Variants in ROBO2 observed in about 807,000 individuals in gnomAD.
The protein encoded by ROBO2 is roundabout homolog 2.
Under a neutral mutation model 160.8 loss-of-function variants are expected in ROBO2, and 53 were observed. The ratio of observed to expected loss-of-function variants is 0.33; its 90% confidence interval spans 0.26 to 0.41. The LOEUF (loss-of-function observed/expected upper bound fraction) is 0.41, where lower values mean the gene tolerates loss of function less well. Ranked by LOEUF, ROBO2 falls within the 10% of genes least tolerant of loss-of-function variation. The pLI is 1.00. For missense variants in ROBO2, 1,577 were observed against 1,722.4 expected, an observed-to-expected ratio of 0.92 and a Z score of 1.49; for synonymous variants, 664 against 611.7, an observed-to-expected ratio of 1.09 and a Z score of -1.26.
intron 2 of ROBO2, among the ~76,000 whole-genome samples, chr3:76,514,723 A>G (rs1023148234): frequency 6.6e-6 from 1 of 152,088 alleles, no homozygotes; most frequent in East Asian, 1.9e-4. Context: ...CCTTCAACTC[A>G]CTTTCTCTAG....
chr3:76,727,265 T>A (rs1367442445), intron 2 of ROBO2, among the ~76,000 whole-genome samples: 8 of 152,180 alleles, frequency 5.3e-5, no homozygotes, highest in African/African-American at 1.9e-4. Context: ...AGGACACCAG[T>A]TAGTTCTAAA....
rs902823624 is a variant in ROBO2 at position 76,506,684 on chromosome 3, G to T, written c.109+569082G>T. Among the ~76,000 whole-genome samples the T allele has an allele frequency of 7.9e-5, 12 of 152,214 alleles. No homozygotes were observed. The South Asian group carries it at 8.3e-4, about 11-fold the overall frequency. On this transcript the variant is annotated intron_variant, in intron 2 of 26. Coordinates refer to the ROBO2 transcript ENST00000487694. The stretch of plus-strand genomic sequence containing the variant: ...TCCTCATTTTATCAGACAAGATGGT[G>T]CTTATGATATTCTTTTACAAATCAC...
intron 2 of ROBO2, among the ~76,000 whole-genome samples, chr3:76,709,582 G>A (rs1267462442): frequency 1.3e-5 from 2 of 152,140 alleles, no homozygotes; most frequent in South Asian, 2.1e-4. Flanking sequence ...CAGAACACAG[G>A]AAGGATTATG....
At chr3:76,019,558 T>C (rs1350871150) in intron 2 of ROBO2, among the ~76,000 whole-genome samples, 1 of 151,934 alleles carries the variant, frequency 6.6e-6, no homozygotes, top group Admixed American at 6.6e-5. Context: ...GTTCCGTGTA[T>C]ATCTGAGAAT....
intron 2 of ROBO2, among the ~76,000 whole-genome samples, chr3:77,026,690 T>C (rs892652826): frequency 1.3e-5 from 2 of 152,210 alleles, no homozygotes; most frequent in African/African-American, 2.4e-5. Flanking sequence ...CACTATTTCA[T>C]CTGTGTCATT....
At chr3:77,308,418 G>T (rs2063278420) in intron 2 of ROBO2, among the ~76,000 whole-genome samples, 1 of 152,038 alleles carries the variant, frequency 6.6e-6, no homozygotes, top group Admixed American at 6.6e-5. Flanking sequence ...ATTAGTCTAG[G>T]TGGGAGAAAG....
chr3:76,349,735 T>C lies in ROBO2; in HGVS notation c.109+412133T>C, dbSNP rs567365311. 1.1e-3 allele frequency among the ~76,000 whole-genome samples: 166 copies of C among 152,216 alleles called. 2 individuals are homozygous for C. Among genetic ancestry groups the C allele is most frequent in the Admixed American group, 2.1e-3 (32 of 15,264 alleles). On this transcript the variant is annotated intron_variant, in intron 2 of 26. Coordinates refer to the ROBO2 transcript ENST00000487694. ...TTAAGTCAGAAACAAAGGACAGTTA[T>C]TACTCACAGCAATAGTAGTAGCAGG...
At chr3:76,115,969 A>T (rs2070451459) in intron 2 of ROBO2, among the ~76,000 whole-genome samples, 1 of 152,172 alleles carries the variant, frequency 6.6e-6, no homozygotes, top group Admixed American at 6.6e-5. Flanking sequence ...CAGACATTTT[A>T]AAGATCATGT....
At chr3:76,338,106 A>G (rs995660134) in intron 2 of ROBO2, among the ~76,000 whole-genome samples, 1 of 152,194 alleles carries the variant, frequency 6.6e-6, no homozygotes, top group Non-Finnish European at 1.5e-5. Flanking sequence ...AGCTTCTAGT[A>G]CATGTATTTG....
chr3:76,511,858 A>G (rs1033961581), intron 2 of ROBO2, among the ~76,000 whole-genome samples: 3 of 152,220 alleles, frequency 2.0e-5, no homozygotes, highest in Non-Finnish European at 4.4e-5. Context: ...AGAAGTGGGT[A>G]TCACAGGAGT....
intron 2 of ROBO2, among the ~76,000 whole-genome samples, chr3:76,803,488 G>T (rs1045110453): frequency 1.4e-5 from 2 of 147,172 alleles, no homozygotes; most frequent in Non-Finnish European, 3.0e-5. Flanking sequence ...AGGGAGGGAG[G>T]GAGAGAGGAA....
chr3:77,073,057 T>C (rs774724102), intron 1 of ROBO2, among the ~76,000 whole-genome samples: 4 of 152,188 alleles, frequency 2.6e-5, no homozygotes, highest in Non-Finnish European at 5.9e-5. Context: ...AGCTTTTGAA[T>C]GGTTTTATGG....
chr3:76,194,776 C>T (rs1444560264), intron 2 of ROBO2, among the ~76,000 whole-genome samples: 9 of 152,054 alleles, frequency 5.9e-5, no homozygotes, highest in African/African-American at 7.2e-5. Flanking sequence ...CCCGCCACCA[C>T]GCCCAGCTAA....
At chr3:77,433,484 T>TTGTA in intron 2 of ROBO2, among the ~76,000 whole-genome samples, 1 of 60,638 alleles carries the variant, frequency 1.6e-5, no homozygotes, top group Non-Finnish European at 3.3e-5. Context: ...CTCTGGCAAC[T>TTGTA]TGTATATATA....
chr3:76,521,717 T>C (rs1018538524), intron 2 of ROBO2, among the ~76,000 whole-genome samples: 19 of 152,300 alleles, frequency 1.2e-4, no homozygotes, highest in African/African-American at 4.6e-4. Context: ...GCTTAATATA[T>C]GTATTTTCTT....
chr3:76,911,739 C>A (rs1254218149), intron 2 of ROBO2, among the ~76,000 whole-genome samples: 1 of 151,988 alleles, frequency 6.6e-6, no homozygotes, highest in Non-Finnish European at 1.5e-5. Flanking sequence ...ACTGGCAATG[C>A]ATAAAAGGTA....
chr3:77,009,877 T>C (rs1292261195), intron 2 of ROBO2, among the ~76,000 whole-genome samples: 1 of 135,342 alleles, frequency 7.4e-6, no homozygotes, highest in Non-Finnish European at 1.5e-5. Flanking sequence ...ACCTGGGAGG[T>C]GGAGGTTGCA....
chr3:76,745,580 A>G (rs961167876), intron 2 of ROBO2, among the ~76,000 whole-genome samples: 1 of 151,998 alleles, frequency 6.6e-6, no homozygotes, highest in Non-Finnish European at 1.5e-5. Flanking sequence ...ACCCAGTTCC[A>G]CTTAGAATCT....
At chr3:75,951,035 G>A (rs1355798992) in intron 2 of ROBO2, among the ~76,000 whole-genome samples, 1 of 151,762 alleles carries the variant, frequency 6.6e-6, no homozygotes, top group African/African-American at 2.4e-5. Flanking sequence ...TTACAAGTTC[G>A]TTGATGTTTT....
Sources: allele counts gnomAD v4.1 joint callset (sites outside exome capture counted in the v4.1 genomes callset), GRCh38; gene constraint gnomAD v4.1.1; transcripts MANE v1.5; gene names NCBI Gene and HGNC (gene_info 2026-07-23, HGNC 2026-07-21).